Variants in VPS13A observed in about 807,000 individuals in gnomAD.
VPS13A encodes the protein vacuolar protein sorting 13 homolog A, also known as intermembrane lipid transfer protein VPS13A.
VPS13A carries 264 observed loss-of-function variants against 390.9 expected under a neutral mutation model. That is an observed-to-expected ratio of 0.68 (90% CI 0.61 to 0.75). The LOEUF is 0.75. VPS13A is among the 30% of genes least tolerant of loss of function. The pLI, the probability that VPS13A is intolerant of heterozygous loss-of-function variation, is 0.00. For synonymous variants in VPS13A, 1,231 were observed against 1,227.1 expected (o/e 1.00, Z -0.07); for missense variants, 3,409 against 3,733.9 (o/e 0.91, Z 2.27).
intron 67 of VPS13A, among the ~76,000 whole-genome samples, chr9:77,373,074 A>G (rs997948740): frequency 6.6e-6 from 1 of 152,204 alleles, no homozygotes; most frequent in Admixed American, 6.5e-5. Context: ...GGTAATTTAC[A>G]GATTCAGTGC....
chr9:77,298,682 T>A (rs1035070143), intron 33 of VPS13A, among the ~76,000 whole-genome samples: 4 of 151,930 alleles, frequency 2.6e-5, no homozygotes, highest in African/African-American at 9.7e-5. Flanking sequence ...AATAGAGAGG[T>A]GATATAGTTT....
At chr9:77,407,658 A>T (rs758818190) in intron 71 of VPS13A, 51 bp downstream of exon 71, 4 of 1,327,792 alleles carry the variant, frequency 3.0e-6, no homozygotes, top group East Asian at 4.8e-5. Flanking sequence ...CTTCAAAATC[A>T]TGTAAGTGGA....
chr9:77,391,220 A>T (rs941133700), intron 68 of VPS13A, among the ~76,000 whole-genome samples: 19 of 152,228 alleles, frequency 1.2e-4, no homozygotes, highest in Non-Finnish European at 2.6e-4. Flanking sequence ...GGACACAAAG[A>T]TTCTCAGCAT....
intron 59 of VPS13A, among the ~76,000 whole-genome samples, chr9:77,361,228 C>T (rs753123813): frequency 3.9e-5 from 6 of 152,048 alleles, no homozygotes; most frequent in Non-Finnish European, 5.9e-5. Context: ...TCTCTAATTC[C>T]GGAACATTTT....
Position 77,416,607 on chromosome 9 carries a change from T to C in VPS13A, c.*601T>C, listed in dbSNP as rs1835176946. 6.6e-6 allele frequency: 1 copy of C among 152,328 alleles called. No individual in the cohort carries two copies. Among genetic ancestry groups the C allele is most frequent in the Non-Finnish European group, 1.5e-5 (1 of 68,110 alleles). 9.4% of individuals were successfully genotyped at this position (152,328 alleles called of 1,614,324 possible). Reference sequence around the variant, plus strand: ...GCATAGCATTATTAAAAACAATCTTTTAAAATATAATTTATAACATAGATT... The same window carrying C: ...GCATAGCATTATTAAAAACAATCTTCTAAAATATAATTTATAACATAGATT... On this transcript the variant is annotated 3_prime_UTR_variant, in exon 72 of 72. Coordinates refer to ENST00000360280, the MANE Select transcript of VPS13A (RefSeq NM_033305.3).
chr9:77,356,816 T>C lies in VPS13A; in HGVS notation c.7755T>C (p.Thr2585=). 1 of 1,613,848 alleles carries C rather than the reference T, an allele frequency of 6.2e-7. No individual in the cohort carries two copies. Among genetic ancestry groups the C allele is most frequent in the Non-Finnish European group, 8.5e-7 (1 of 1,179,866 alleles). The part of the protein sequence containing the change: ...EKLEREFKEY[T]ESSPSEDKVI... ...TAGAGAGAGAATTTAAGGAATATAC[T>C]GAATCTTCTCCTTCAGAAGATAAGG... Residue 2585 remains threonine, a synonymous_variant, in exon 55 of 72, where the codon ACT becomes ACC. Coordinates refer to ENST00000360280, the MANE Select transcript of VPS13A (RefSeq NM_033305.3).
chr9:77,276,457 A>G (rs1826676878), intron 26 of VPS13A, among the ~76,000 whole-genome samples: 1 of 152,204 alleles, frequency 6.6e-6, no homozygotes, highest in Admixed American at 6.5e-5. Context: ...GTTGAATTTT[A>G]AATCTACTTA....
intron 10 of VPS13A, among the ~76,000 whole-genome samples, chr9:77,219,434 A>AATTT (rs1823057152): frequency 1.3e-5 from 2 of 152,082 alleles, no homozygotes; most frequent in Non-Finnish European, 2.9e-5. Flanking sequence ...AGTTGAGAGG[A>AATTT]ATTTATCTTA....
At position 77,210,465 on chromosome 9, in the gene VPS13A, G is replaced by A; in HGVS notation, c.496-151G>A. The A allele has an allele frequency of 4.3e-6, 3 of 703,376 alleles. No homozygotes were observed. In the South Asian group the frequency reaches 4.8e-5, roughly 11 times the overall value. The allele number at this position is 703,376 out of a possible 1,614,324, so 43.6% of individuals were successfully genotyped here. A position where few individuals can be genotyped will look rare whatever the true frequency, so the allele number is the denominator to read the frequency against. ...GGATCTCACTGTGTTACCCAGGCTG[G>A]TCTCCAGAGCTCAAGCAGTCCTCCT... On this transcript the variant is annotated intron_variant, in intron 6 of 71. Coordinates refer to ENST00000360280, the MANE Select transcript of VPS13A (RefSeq NM_033305.3).
intron 22 of VPS13A, among the ~76,000 whole-genome samples, chr9:77,258,958 T>C (rs1825606987): frequency 6.6e-6 from 1 of 152,164 alleles, no homozygotes. Context: ...TCTGTCAGTA[T>C]ATGCTTAGGA....
rs1265730508 is a variant in VPS13A at position 77,419,253 on chromosome 9, A to T, written c.*3247A>T. ...GTCATGAAATCAACTTAACAGCTCA[A>T]GACCAGTATATTTTAAACGTGAAAT... is the stretch of plus-strand genomic sequence containing the variant. On this transcript the variant is annotated 3_prime_UTR_variant, in exon 72 of 72. Coordinates refer to ENST00000360280, the MANE Select transcript of VPS13A (RefSeq NM_033305.3). 1 of 152,230 alleles carries T rather than the reference A, an allele frequency of 6.6e-6. No individual in the cohort carries two copies. The highest frequency in any genetic ancestry group is 2.4e-5 in the African/African-American group (1 of 41,466). 9.4% of individuals were successfully genotyped at this position (152,230 alleles called of 1,614,324 possible).
At chr9:77,277,106 G>A (rs1826729265) in intron 26 of VPS13A, among the ~76,000 whole-genome samples, 1 of 152,072 alleles carries the variant, frequency 6.6e-6, no homozygotes, top group Non-Finnish European at 1.5e-5. Flanking sequence ...GTAATTAGGA[G>A]GGTTGTATTT....
At chr9:77,259,381 A>G (rs910124842) in intron 22 of VPS13A, among the ~76,000 whole-genome samples, 1 of 152,222 alleles carries the variant, frequency 6.6e-6, no homozygotes. Flanking sequence ...ATTAATTACA[A>G]ATATTTAAGG....
rs1350933283 is a variant in VPS13A at position 77,282,156 on chromosome 9, T to C, written c.3000T>C (p.Thr1000=). The C allele has an allele frequency of 6.2e-7, 1 of 1,613,576 alleles. No individual in the cohort carries two copies. Among genetic ancestry groups the C allele is most frequent in the Admixed American group, 1.7e-5 (1 of 60,010 alleles). The change falls in exon 29 of 72, where the codon ACT becomes ACC. Residue 1000 remains threonine, a synonymous_variant. Transcript: ENST00000360280. ...CCTCTTTGGATATTCATTTACACAC[T>C]GAAGCACTTCTGAATACAATAAATT... ...NFSSLDIHLH[T]EALLNTINYL... is the part of the protein sequence containing the mutation.
At chr9:77,321,994 C>CT (rs1332703690) in intron 44 of VPS13A, among the ~76,000 whole-genome samples, 3 of 151,958 alleles carry the variant, frequency 2.0e-5, no homozygotes, top group African/African-American at 7.2e-5. Flanking sequence ...TGGCAATTTA[C>CT]TGCTTTGTTG....
At chr9:77,402,345 T>C (rs1317757207) in intron 68 of VPS13A, among the ~76,000 whole-genome samples, 4 of 152,330 alleles carry the variant, frequency 2.6e-5, no homozygotes, top group Middle Eastern at 3.4e-3. Flanking sequence ...CTAAGCTAAA[T>C]AATTTTAGTT....
chr9:77,206,934 G>T (rs1825671053), intron 5 of VPS13A, among the ~76,000 whole-genome samples: 1 of 151,440 alleles, frequency 6.6e-6, no homozygotes, highest in South Asian at 2.1e-4. Context: ...GTAATTCTTG[G>T]CAATATCTCT....
rs556876460 is a variant in VPS13A at position 77,419,022 on chromosome 9, T to C, written c.*3016T>C. 6.6e-6 allele frequency: 1 copy of C among 152,322 alleles called. No homozygotes were observed. Among genetic ancestry groups the C allele is most frequent in the East Asian group, 1.9e-4 (1 of 5,184 alleles). The allele number at this position is 152,322 out of a possible 1,614,324, so 9.4% of individuals were successfully genotyped here. A position where few individuals can be genotyped will look rare whatever the true frequency, so the allele number is the denominator to read the frequency against. ...CATGTAGGCCTCTGTATTAAAAAGA[T>C]TGGGACAAAATACTTGATTAGTTTG... On this transcript the variant is annotated 3_prime_UTR_variant, in exon 72 of 72. Coordinates refer to ENST00000360280, the MANE Select transcript of VPS13A (RefSeq NM_033305.3).
At chr9:77,389,497 A>G (rs1369410739) in intron 68 of VPS13A, among the ~76,000 whole-genome samples, 1 of 152,026 alleles carries the variant, frequency 6.6e-6, no homozygotes, top group Admixed American at 6.6e-5. Context: ...TCGTAGAGAC[A>G]GGGTCTTGCT....
Sources: gnomAD v4.1 joint callset for allele counts (sites outside exome capture counted in the v4.1 genomes callset) on GRCh38, gnomAD v4.1.1 for gene constraint, MANE v1.5 for transcripts, NCBI Gene and HGNC (gene_info 2026-07-23, HGNC 2026-07-21) for gene names.